The following MRPL10 variants were observed in gnomAD, a reference collection of about 807,000 sequenced individuals.
The protein encoded by MRPL10 is large ribosomal subunit protein uL10m.
MRPL10 carries 14 observed loss-of-function variants against 19.8 expected under a neutral mutation model. That is an observed-to-expected ratio of 0.71 (90% CI 0.47 to 1.11). The LOEUF is 1.11. Among genes scored for constraint, MRPL10 ranks in the 50% least tolerant of loss-of-function variants. The pLI is 0.00. For synonymous variants in MRPL10, 129 were observed against 139.2 expected, an observed-to-expected ratio of 0.93 and a Z score of 0.52; for missense variants, 318 against 339.6, an observed-to-expected ratio of 0.94 and a Z score of 0.50.
chr17:47,827,078 G>A lies in MRPL10; in HGVS notation c.349C>T (p.Arg117Trp), dbSNP rs370107251. 47 of 1,613,624 alleles carry A rather than the reference G, an allele frequency of 2.9e-5. No homozygotes were observed. The highest frequency in any genetic ancestry group is 4.0e-5 in the African/African-American group (3 of 74,902). ...ACCTTCATCAGGATCTTGTGTTTCC[G>A]CAGCTGGTGTCGCATAAGAAGCTTG... ...EDKLLMRHQL[R>W]KHKILMKVFP... is the part of the protein sequence containing the mutation. Residue 117 changes from arginine (R) to tryptophan (W), a missense_variant, in exon 3 of 5, where the codon CGG becomes TGG. Transcript: ENST00000351111.
At chr17:47,827,475 G>C (rs772614690) in intron 2 of MRPL10, among the ~76,000 whole-genome samples, 2 of 152,192 alleles carry the variant, frequency 1.3e-5, no homozygotes, top group African/African-American at 2.4e-5. Flanking sequence ...CAGGCCTGCA[G>C]TCTGCCCTAG....
chr17:47,830,494 A>G (rs1055772699), intron 1 of MRPL10, among the ~76,000 whole-genome samples: 6 of 149,834 alleles, frequency 4.0e-5, no homozygotes, highest in Admixed American at 1.3e-4. Flanking sequence ...AGGCTTTGGA[A>G]TCAAATTAAA....
chr17:47,827,270 C>A, intron 2 of MRPL10, 66 bp from the exon 3 acceptor site: 1 of 1,468,906 alleles, frequency 6.8e-7, no homozygotes, highest in South Asian at 1.3e-5. Context: ...GTTGCTCCCT[C>A]TGTGGTAGGT....
Position 47,824,366 on chromosome 17 carries a change from C to T in MRPL10, c.625G>A (p.Gly209Arg). 1 of 1,612,044 alleles carries T rather than the reference C, an allele frequency of 6.2e-7. No individual in the cohort carries two copies. The highest frequency in any genetic ancestry group is 8.5e-7 in the Non-Finnish European group (1 of 1,178,676). The change falls in exon 5 of 5, where the codon GGA becomes AGA. Residue 209 changes from glycine (G) to arginine (R), a missense_variant. Transcript: ENST00000351111. ...TGGGCTGTGAGGCAGGTGAGGCCTC[C>T]TACAAGCTCCCCCTGCACCAGGGGC... The part of the protein sequence containing the change: ...SLPLVQGELV[G>R]GLTCLTAQTH...
At position 47,828,493 on chromosome 17, in the gene MRPL10, C is replaced by T; in HGVS notation, c.222+8G>A. 2.8e-6 allele frequency: 4 copies of T among 1,409,446 alleles called. No individual in the cohort carries two copies. Among genetic ancestry groups the T allele is most frequent in the Non-Finnish European group, 3.7e-6 (4 of 1,076,258 alleles). The allele number at this position is 1,409,446 out of a possible 1,614,324, so 87.3% of individuals were successfully genotyped here. A position where few individuals can be genotyped will look rare whatever the true frequency, so the allele number is the denominator to read the frequency against. On this transcript the variant is annotated splice_region_variant and intron_variant, in intron 2 of 4. Coordinates refer to ENST00000351111, the MANE Select transcript of MRPL10 (RefSeq NM_145255.4). ...CACCAAGTGACATGTACCCAAATTC[C>T]TCCTTACCTCCTGTGGGGGGCTGGG...
rs532131279 is a variant in MRPL10, at chr17:47,824,039, A to T, written c.*166T>A. ...AGCCGGTGACTGACATCTGAAATGGAATCCTCTGCATCTCCAAGTGGCCCT... is the reference window on the plus strand; with the variant it reads ...AGCCGGTGACTGACATCTGAAATGGTATCCTCTGCATCTCCAAGTGGCCCT... On this transcript the variant is annotated 3_prime_UTR_variant, in exon 5 of 5. Transcript: ENST00000351111. 5 of 813,658 alleles carry T rather than the reference A, an allele frequency of 6.1e-6. No homozygotes were observed. The South Asian group carries it at 7.1e-5, about 12-fold the overall frequency. 50.4% of individuals were successfully genotyped at this position (813,658 alleles called of 1,614,324 possible).
rs1221210756 is a variant in MRPL10 at position 47,823,918 on chromosome 17, G to A, written c.*287C>T. 2.3e-6 allele frequency: 1 copy of A among 433,708 alleles called. No homozygotes were observed. The highest frequency in any genetic ancestry group is 2.1e-5 in the African/African-American group (1 of 48,570). 26.9% of individuals were successfully genotyped at this position (433,708 alleles called of 1,614,324 possible). On this transcript the variant is annotated 3_prime_UTR_variant, in exon 5 of 5. Transcript: ENST00000351111. Reference sequence around the variant, plus strand: ...AGAGGCAGTGACCAAGGAGGCAGGGGACAATAGCCCTATCTTTTCAGGATC... The same window carrying A: ...AGAGGCAGTGACCAAGGAGGCAGGGAACAATAGCCCTATCTTTTCAGGATC...
intron 3 of MRPL10, 53 bp downstream of exon 3, chr17:47,826,987 T>C: frequency 6.5e-7 from 1 of 1,540,404 alleles, no homozygotes; most frequent in Non-Finnish European, 8.8e-7. Flanking sequence ...GGTCTGAGTC[T>C]GGTGGGGGTG....
rs982009601 is a variant in MRPL10 at position 47,826,716 on chromosome 17, G to A, written c.453C>T (p.Asn151=). ...TGGGCTCTTCACTGACCAGCAGCATGTTGTGCCCCACAAAAAGGGGCAGCA... is the reference window on the plus strand; with the variant it reads ...TGGGCTCTTCACTGACCAGCAGCATATTGTGCCCCACAAAAAGGGGCAGCA... ...QNLLPLFVGH[N]MLLVSEEPKV... Residue 151 remains asparagine (N), a synonymous_variant, in exon 4 of 5, where the codon AAC becomes AAT. Coordinates refer to ENST00000351111, the MANE Select transcript of MRPL10 (RefSeq NM_145255.4). 1.9e-6 allele frequency: 3 copies of A among 1,614,072 alleles called. No homozygotes were observed. The highest frequency in any genetic ancestry group is 2.5e-6 in the Non-Finnish European group (3 of 1,180,050).
In MRPL10 at chr17:47,827,177, G is replaced by T. The variant is rs564978696; in HGVS notation, c.250C>A (p.Arg84=). The change falls in exon 3 of 5, where the codon CGG becomes AGG. Residue 84 remains arginine, a synonymous_variant. Coordinates refer to ENST00000351111, the MANE Select transcript of MRPL10 (RefSeq NM_145255.4). The part of the protein sequence containing the change: ...EEIGLIRLLR[R]EIAAVFQDNR... ...TCCTGGAAAACTGCTGCTATCTCCCGGCGGAGAAGCCTGATGAGGCCTATC... is the reference window on the plus strand; with the variant it reads ...TCCTGGAAAACTGCTGCTATCTCCCTGCGGAGAAGCCTGATGAGGCCTATC... 1.9e-6 allele frequency: 3 copies of T among 1,612,798 alleles called. No individual in the cohort carries two copies. Among genetic ancestry groups the T allele is most frequent in the Non-Finnish European group, 2.5e-6 (3 of 1,179,294 alleles).
intron 1 of MRPL10, among the ~76,000 whole-genome samples, chr17:47,830,279 G>T (rs2033606719): frequency 6.6e-6 from 1 of 152,168 alleles, no homozygotes; most frequent in Non-Finnish European, 1.5e-5. Context: ...GCACTCAAAA[G>T]CCCTGAGACA....
chr17:47,827,243 C>T (rs779309225), intron 2 of MRPL10, 39 bp from the exon 3 acceptor site: 2 of 1,561,208 alleles, frequency 1.3e-6, no homozygotes, highest in Non-Finnish European at 1.7e-6. Flanking sequence ...ACATCAGCTG[C>T]CACTTCTCCT....
rs1271190996 is a variant in MRPL10, at chr17:47,824,185, GGGCTGGCTAAACA to G, written c.*7_*19del. On this transcript the variant is annotated 3_prime_UTR_variant, in exon 5 of 5. Transcript: ENST00000351111. ...ATAACGCAGAGTGTATTTATGCGCAGGGCTGGCTAAACAGGCTGGCTACGAGTCCGGAACAGTG... is the reference window on the plus strand; with the variant it reads ...ATAACGCAGAGTGTATTTATGCGCAGGGCTGGCTACGAGTCCGGAACAGTG... The G allele has an allele frequency of 5.6e-6, 9 of 1,614,050 alleles. No individual in the cohort carries two copies. The highest frequency in any genetic ancestry group is 7.6e-6 in the Non-Finnish European group (9 of 1,180,050).
At position 47,828,513 on chromosome 17, in the gene MRPL10, G is replaced by T; in HGVS notation, c.210C>A (p.Ser70Arg). 2 of 1,442,910 alleles carry T rather than the reference G, an allele frequency of 1.4e-6. No homozygotes were observed. Among genetic ancestry groups the T allele is most frequent in the Non-Finnish European group, 1.8e-6 (2 of 1,095,172 alleles). 89.4% of individuals were successfully genotyped at this position (1,442,910 alleles called of 1,614,324 possible). A position where few individuals can be genotyped will look rare whatever the true frequency, so the allele number is the denominator to read the frequency against. ...IHPSCLPSPP[S>R]PPQEEIGLIR... ...AATTCCTCCTTACCTCCTGTGGGGGGCTGGGAGGAGATGGCAGGCATGATG... is the reference window on the plus strand; with the variant it reads ...AATTCCTCCTTACCTCCTGTGGGGGTCTGGGAGGAGATGGCAGGCATGATG... The change falls in exon 2 of 5, where the codon AGC becomes AGA. Residue 70 changes from serine to arginine, a missense_variant. Ser to Arg is a moderately radical substitution (Grantham distance 110, BLOSUM62 -1). Coordinates refer to ENST00000351111, the MANE Select transcript of MRPL10 (RefSeq NM_145255.4).
intron 1 of MRPL10, among the ~76,000 whole-genome samples, chr17:47,830,575 G>A (rs139488842): frequency 6.6e-6 from 1 of 151,672 alleles, no homozygotes; most frequent in African/African-American, 2.4e-5. Flanking sequence ...ATGCGATCTC[G>A]GCCCACTGCA....
intron 1 of MRPL10, 104 bp from the exon 2 acceptor site, chr17:47,828,774 A>C: frequency 3.6e-6 from 3 of 842,706 alleles, no homozygotes; most frequent in Non-Finnish European, 5.0e-6. Context: ...AGCACAGCTC[A>C]CAGAGCTAGA....
rs769419096 is a variant in MRPL10, at chr17:47,824,475, T to A, written c.533-17A>T. 84 of 1,514,538 alleles carry A rather than the reference T, an allele frequency of 5.5e-5. No individual in the cohort carries two copies. The highest frequency in any genetic ancestry group is 7.2e-5 in the Non-Finnish European group (82 of 1,134,450). 93.8% of individuals were successfully genotyped at this position (1,514,538 alleles called of 1,614,324 possible). On this transcript the variant is annotated splice_polypyrimidine_tract_variant and intron_variant, in intron 4 of 4. Transcript: ENST00000351111. ...TGCAGCCACCTGGAAGAACACAGGG[T>A]CAGTTAGGCTCCTTGCAGATTGCCT...
At chr17:47,828,977 T>C (rs1032778453) in intron 1 of MRPL10, among the ~76,000 whole-genome samples, 19 of 151,906 alleles carry the variant, frequency 1.3e-4, no homozygotes, top group African/African-American at 4.4e-4. Context: ...TTAAGAAAAG[T>C]GGGGGCTGAG....
chr17:47,831,164 G>A (rs575785796), intron 1 of MRPL10: 3 of 607,542 alleles, frequency 4.9e-6, no homozygotes, highest in East Asian at 3.6e-5. Context: ...AGATTGCGAC[G>A]GGGCTAAGGA....
Sources: allele counts gnomAD v4.1 joint callset (sites outside exome capture counted in the v4.1 genomes callset), GRCh38; gene constraint gnomAD v4.1.1; transcripts MANE v1.5; gene names NCBI Gene and HGNC (gene_info 2026-07-23, HGNC 2026-07-21).